The following ARHGAP15 variants were observed in gnomAD, a reference collection of about 807,000 sequenced individuals.
ARHGAP15 encodes rho GTPase-activating protein 15.
ARHGAP15 carries 51 observed loss-of-function variants against 63.7 expected under a neutral mutation model. That is an observed-to-expected ratio of 0.80 (90% confidence interval 0.64 to 1.01). The LOEUF is 1.01. Ranked by LOEUF, ARHGAP15 falls within the 50% of genes least tolerant of loss-of-function variation. ARHGAP15 has a pLI of 0.00. For missense variants in ARHGAP15, 560 were observed against 564.6 expected (o/e 0.99, Z 0.08); for synonymous variants, 191 against 193.8 (o/e 0.99, Z 0.12).
intron 8 of ARHGAP15, among the ~76,000 whole-genome samples, chr2:143,442,803 A>G (rs1689948538): frequency 6.6e-6 from 1 of 152,182 alleles, no homozygotes; most frequent in African/African-American, 2.4e-5. Flanking sequence ...ATTGAAGTAA[A>G]CGCACATACC....
At chr2:143,733,029 A>G (rs997165988) in intron 13 of ARHGAP15, among the ~76,000 whole-genome samples, 20 of 150,754 alleles carry the variant, frequency 1.3e-4, no homozygotes, top group Non-Finnish European at 5.9e-5. Flanking sequence ...TACCCCAGTC[A>G]TGTCACATGA....
At chr2:143,752,347 T>C (rs762279167) in intron 13 of ARHGAP15, among the ~76,000 whole-genome samples, 3 of 152,230 alleles carry the variant, frequency 2.0e-5, no homozygotes, top group Non-Finnish European at 4.4e-5. Context: ...TCATTGACCT[T>C]GGAGTTACTA....
chr2:143,416,783 C>A (rs897638440), intron 6 of ARHGAP15, among the ~76,000 whole-genome samples: 2 of 151,514 alleles, frequency 1.3e-5, no homozygotes, highest in African/African-American at 4.9e-5. Context: ...ATAGACCCTG[C>A]CTCTGCCCTT....
At chr2:143,247,836 A>G (rs981057718) in intron 5 of ARHGAP15, among the ~76,000 whole-genome samples, 4 of 152,192 alleles carry the variant, frequency 2.6e-5, no homozygotes, top group African/African-American at 4.8e-5. Context: ...AATCACAAAG[A>G]CTGCTTAACC....
intron 9 of ARHGAP15, among the ~76,000 whole-genome samples, chr2:143,512,074 A>G (rs1375622169): frequency 6.6e-6 from 1 of 152,240 alleles, no homozygotes; most frequent in East Asian, 1.9e-4. Context: ...TGAAGAGTCC[A>G]AGGGACAGGG....
At chr2:143,530,364 A>T (rs951797160) in intron 10 of ARHGAP15, among the ~76,000 whole-genome samples, 4 of 152,128 alleles carry the variant, frequency 2.6e-5, no homozygotes, top group African/African-American at 9.7e-5. Flanking sequence ...TTTGTGTCCA[A>T]TACAGGTTTC....
intron 12 of ARHGAP15, among the ~76,000 whole-genome samples, chr2:143,657,946 C>T (rs1435607418): frequency 6.6e-6 from 1 of 152,228 alleles, no homozygotes; most frequent in Non-Finnish European, 1.5e-5. Context: ...CATTCCCTGT[C>T]ATAACAGTTC....
intron 12 of ARHGAP15, among the ~76,000 whole-genome samples, chr2:143,659,417 A>T (rs1014151804): frequency 7.2e-5 from 11 of 152,226 alleles, no homozygotes; most frequent in East Asian, 3.9e-4. Context: ...AATTTTTTTA[A>T]AAAAAATTCT....
chr2:143,268,759 A>G (rs1054560070), intron 6 of ARHGAP15, among the ~76,000 whole-genome samples: 1 of 152,130 alleles, frequency 6.6e-6, no homozygotes, highest in Admixed American at 6.5e-5. Flanking sequence ...AAAAATCCGT[A>G]TATTACTGTT....
At chr2:143,420,637 T>C (rs1688878179) in intron 6 of ARHGAP15, among the ~76,000 whole-genome samples, 1 of 152,186 alleles carries the variant, frequency 6.6e-6, no homozygotes, top group East Asian at 1.9e-4. Context: ...TGGAGTCCGC[T>C]TAGAATCTTG....
intron 9 of ARHGAP15, among the ~76,000 whole-genome samples, chr2:143,510,810 CCTT>C (rs923336223): frequency 2.6e-5 from 4 of 152,204 alleles, no homozygotes; most frequent in Admixed American, 2.6e-4. Context: ...ATGTGTGTGT[CCTT>C]CTAGGTGCTT....
chr2:143,732,605 A>G (rs1685582530), intron 13 of ARHGAP15, among the ~76,000 whole-genome samples: 1 of 152,174 alleles, frequency 6.6e-6, no homozygotes, highest in Non-Finnish European at 1.5e-5. Context: ...ATTTCAGGGA[A>G]GATCTAAAAT....
At chr2:143,432,098 A>G (rs1396436848) in intron 6 of ARHGAP15, among the ~76,000 whole-genome samples, 1 of 151,988 alleles carries the variant, frequency 6.6e-6, no homozygotes, top group African/African-American at 2.4e-5. Context: ...AAATACCTAC[A>G]ATGTTTACTT....
intron 6 of ARHGAP15, among the ~76,000 whole-genome samples, chr2:143,357,147 T>C (rs1685845101): frequency 6.6e-6 from 1 of 152,224 alleles, no homozygotes; most frequent in African/African-American, 2.4e-5. Context: ...ACCAATGTTG[T>C]AATTTAATAT....
intron 8 of ARHGAP15, among the ~76,000 whole-genome samples, chr2:143,481,622 C>T (rs1692084506): frequency 6.6e-6 from 1 of 152,046 alleles, no homozygotes; most frequent in South Asian, 2.1e-4. Context: ...AGATATTCGT[C>T]GTCCATCCAG....
chr2:143,135,886 C>G lies in ARHGAP15; in HGVS notation c.-15+6420C>G, dbSNP rs557582759. Among the ~76,000 whole-genome samples the G allele has an allele frequency of 7.2e-5, 11 of 152,230 alleles. No individual in the cohort carries two copies. The South Asian group carries it at 2.3e-3, about 32-fold the overall frequency. On this transcript the variant is annotated intron_variant, in intron 1 of 13. Coordinates refer to ENST00000295095, the MANE Select transcript of ARHGAP15 (RefSeq NM_018460.4). ...TTTGCGGTTTTATTTAGTTTCATGA[C>G]CTTAAATGTTATCTATATACTAATT...
intron 5 of ARHGAP15, among the ~76,000 whole-genome samples, chr2:143,230,733 C>T (rs1693400513): frequency 6.6e-6 from 1 of 152,192 alleles, no homozygotes. Flanking sequence ...CCACGTTTAC[C>T]AGTTCCAGTC....
chr2:143,508,663 G>A, intron 9 of ARHGAP15, among the ~76,000 whole-genome samples: 1 of 152,194 alleles, frequency 6.6e-6, no homozygotes, highest in East Asian at 1.9e-4. Context: ...GAGGGTGGGA[G>A]AGATAGGTAC....
At chr2:143,284,728 C>A (rs565801590) in intron 6 of ARHGAP15, among the ~76,000 whole-genome samples, 2 of 152,298 alleles carry the variant, frequency 1.3e-5, no homozygotes, top group South Asian at 4.1e-4. Flanking sequence ...AAACATCACA[C>A]ATTGTAAATC....
Sources: allele counts gnomAD v4.1 joint callset (sites outside exome capture counted in the v4.1 genomes callset), GRCh38; gene constraint gnomAD v4.1.1; transcripts MANE v1.5; gene names NCBI Gene and HGNC (gene_info 2026-07-23, HGNC 2026-07-21).